ADAT2: variants seen among roughly 807,000 people sequenced by gnomAD.
ADAT2 encodes tRNA-specific adenosine-34 deaminase catalytic subunit ADAT2.
ADAT2 carries 26 observed loss-of-function variants against 25.9 expected under a neutral mutation model. The observed-to-expected ratio is 1.00, with a 90% CI of 0.74 to 1.39. ADAT2 has a LOEUF of 1.39. Ranked by LOEUF, ADAT2 falls within the 40% of genes most tolerant of loss-of-function variation. The probability of loss-of-function intolerance (pLI) is 0.00; values close to 1 mark genes in which losing one functional copy is unlikely to be tolerated. For missense variants in ADAT2, 220 were observed against 244.8 expected (o/e 0.90, Z 0.68); for synonymous variants, 76 against 86.8 (o/e 0.88, Z 0.69).
At position 143,449,480 on chromosome 6, in the gene ADAT2, T is replaced by A. The variant is rs377277036; in HGVS notation, c.96+1083A>T. Among the ~76,000 whole-genome samples the A allele has an allele frequency of 2.0e-5, 3 of 152,288 alleles. No individual in the cohort carries two copies. In the East Asian group the frequency reaches 5.8e-4, roughly 29 times the overall value. On this transcript the variant is annotated intron_variant, in intron 1 of 5. Transcript: ENST00000237283. Reference sequence around the variant, plus strand: ...GGATGTGATTCCATAGTTTACGTCCTCCTACACAGGATTAAGGAGGCAGCT... The same window carrying A: ...GGATGTGATTCCATAGTTTACGTCCACCTACACAGGATTAAGGAGGCAGCT...
At position 143,432,549 on chromosome 6, in the gene ADAT2, T is replaced by C. The variant is rs749103092; in HGVS notation, c.415A>G (p.Asn139Asp). ...ERFGGCGSVL[N>D]IASADLPNTG... is the part of the protein sequence containing the mutation. ...TTTGGTAGGTCAGCAGAGGCAATAT[T>C]TAGAACAGAGCCACAACCACCAAAT... The change falls in exon 4 of 6, where the codon AAT (asparagine) becomes GAT (aspartate). Residue 139 changes from asparagine to aspartate, a missense_variant. Transcript: ENST00000237283. This position sits in a 1 kb window ranked among gnomAD's most constrained non-coding sequence, Gnocchi z 4.4. The C allele has an allele frequency of 1.2e-6, 2 of 1,614,082 alleles. No individual in the cohort carries two copies. Among genetic ancestry groups the C allele is most frequent in the Non-Finnish European group, 1.7e-6 (2 of 1,180,048 alleles).
chr6:143,439,570 A>C (rs527803440), intron 1 of ADAT2, among the ~76,000 whole-genome samples: 1 of 152,312 alleles, frequency 6.6e-6, no homozygotes, highest in African/African-American at 2.4e-5. Context: ...TAAGTAAAGG[A>C]AGTCACACAC....
rs1034098830 is a variant in ADAT2 at position 143,440,364 on chromosome 6, A to C, written c.97-1670T>G. Among the ~76,000 whole-genome samples, 8 of 152,186 alleles carry C rather than the reference A, an allele frequency of 5.3e-5. No individual in the cohort carries two copies. Among genetic ancestry groups the C allele is most frequent in the Non-Finnish European group, 1.2e-4 (8 of 68,028 alleles). The stretch of plus-strand genomic sequence containing the variant: ...GTTCTACTTTATTTAACTAGTGACA[A>C]CTTCCTATTATAAGGCATACAGGAT... On this transcript the variant is annotated intron_variant, in intron 1 of 5. Coordinates refer to ENST00000237283, the MANE Select transcript of ADAT2 (RefSeq NM_182503.3). This position sits in a 1 kb window ranked among gnomAD's most constrained non-coding sequence, Gnocchi z 4.5.
rs72988621 is a variant in ADAT2, at chr6:143,436,741, T to C, written c.201+1849A>G. The C allele has an allele frequency of 0.28, 47,577 of 168,980 alleles. 7,028 individuals carry two copies. Among genetic ancestry groups the C allele is most frequent in the Admixed American group, 0.32 (5,169 of 16,182 alleles). 10.5% of individuals were successfully genotyped at this position (168,980 alleles called of 1,614,324 possible). A position where few individuals can be genotyped will look rare whatever the true frequency, so the allele number is the denominator to read the frequency against. ...TCTGTTACTGGGTTAAGGGCGGGGG[T>C]GGTATGAATTCTTCATTTGCCCACA... On this transcript the variant is annotated intron_variant, in intron 2 of 5. Transcript: ENST00000237283. This position sits in a 1 kb window ranked among gnomAD's most constrained non-coding sequence, Gnocchi z 4.1.
At chr6:143,439,150 A>C (rs1779381985) in intron 1 of ADAT2, among the ~76,000 whole-genome samples, 1 of 152,180 alleles carries the variant, frequency 6.6e-6, no homozygotes, top group Non-Finnish European at 1.5e-5. Flanking sequence ...CCAATAGCTA[A>C]AGGTAACCAG....
rs376018572 is a variant in ADAT2, at chr6:143,433,815, T to C, written c.352+16A>G. The C allele has an allele frequency of 5.6e-6, 9 of 1,612,186 alleles. No homozygotes were observed. The highest frequency in any genetic ancestry group is 5.9e-6 in the Non-Finnish European group (7 of 1,178,730). On this transcript the variant is annotated intron_variant, in intron 3 of 5. Transcript: ENST00000237283. ...ACGAATGGTACGATACATTAACTCATGAAGTCAAAGGATACTCATCAGGCG... is the reference window on the plus strand; with the variant it reads ...ACGAATGGTACGATACATTAACTCACGAAGTCAAAGGATACTCATCAGGCG...
In ADAT2 at chr6:143,438,782, C is replaced by T. The variant is rs1779370024; in HGVS notation, c.97-88G>A. On this transcript the variant is annotated intron_variant, in intron 1 of 5. Coordinates refer to ENST00000237283, the MANE Select transcript of ADAT2 (RefSeq NM_182503.3). ...AAAGAGATGCAGCATGAACAAGATA[C>T]ACATGTACAAAGACTGAAACAAAGA... 4 of 1,081,736 alleles carry T rather than the reference C, an allele frequency of 3.7e-6. No homozygotes were observed. In the East Asian group the frequency reaches 7.2e-5, roughly 20 times the overall value. The allele number at this position is 1,081,736 out of a possible 1,614,324, so 67.0% of individuals were successfully genotyped here.
At chr6:143,433,435 A>C (rs1464120200) in intron 3 of ADAT2, among the ~76,000 whole-genome samples, 3 of 152,186 alleles carry the variant, frequency 2.0e-5, no homozygotes, top group Admixed American at 6.5e-5. Flanking sequence ...AAACAAACCA[A>C]CCAGATAAAC....
chr6:143,434,179 A>T lies in ADAT2; in HGVS notation c.202-198T>A, dbSNP rs1298179637. Among the ~76,000 whole-genome samples the T allele has an allele frequency of 6.6e-6, 1 of 152,202 alleles. No homozygotes were observed. Among genetic ancestry groups the T allele is most frequent in the Non-Finnish European group, 1.5e-5 (1 of 68,022 alleles). ...ATAACCTCACTTGCGAAAGATATCT[A>T]ATCAGAGATGCCACAGGAATCATGC... is the stretch of plus-strand genomic sequence containing the variant. On this transcript the variant is annotated intron_variant, in intron 2 of 5. Coordinates refer to ENST00000237283, the MANE Select transcript of ADAT2 (RefSeq NM_182503.3). The surrounding 1 kb of genome is among the most constrained non-coding windows in gnomAD (Gnocchi z 4.5).
In ADAT2 at chr6:143,436,327, G is replaced by C. The variant is rs1779278558; in HGVS notation, c.201+2263C>G. 4.1e-6 allele frequency: 1 copy of C among 243,002 alleles called. No homozygotes were observed. The highest frequency in any genetic ancestry group is 8.5e-6 in the Non-Finnish European group (1 of 118,080). 15.1% of individuals were successfully genotyped at this position (243,002 alleles called of 1,614,324 possible). A position where few individuals can be genotyped will look rare whatever the true frequency, so the allele number is the denominator to read the frequency against. Reference sequence around the variant, plus strand: ...TCTAACAGAGGCTGCCATTTTCAGGGGCTGGATGTCCATGAGGGAGGTAGA... The same window carrying C: ...TCTAACAGAGGCTGCCATTTTCAGGCGCTGGATGTCCATGAGGGAGGTAGA... On this transcript the variant is annotated intron_variant, in intron 2 of 5. Coordinates refer to ENST00000237283, the MANE Select transcript of ADAT2 (RefSeq NM_182503.3). The surrounding 1 kb of genome is among the most constrained non-coding windows in gnomAD (Gnocchi z 4.1).
rs755252951 is a variant in ADAT2 at position 143,438,587 on chromosome 6, T to C, written c.201+3A>G. On this transcript the variant is annotated splice_donor_region_variant and intron_variant, in intron 2 of 5. Transcript: ENST00000237283. ...TTGCAATTATACTGCTCAACTCACA[T>C]ACATTTTTGGTTTGGTTAACTTCAT... is the stretch of plus-strand genomic sequence containing the variant. 6 of 1,606,226 alleles carry C rather than the reference T, an allele frequency of 3.7e-6. No individual in the cohort carries two copies. The highest frequency in any genetic ancestry group is 3.3e-5 in the Admixed American group (2 of 59,958).
Position 143,432,688 on chromosome 6 carries a change from C to G in ADAT2, c.353-77G>C. On this transcript the variant is annotated intron_variant, in intron 3 of 5. Coordinates refer to ENST00000237283, the MANE Select transcript of ADAT2 (RefSeq NM_182503.3). This position sits in a 1 kb window ranked among gnomAD's most constrained non-coding sequence, Gnocchi z 4.4. ...TGACAAAATCAGAGTAGGTTTATAC[C>G]AGCCATCCTGGAGAGGAACGCTCAT... 1 of 1,397,320 alleles carries G rather than the reference C, an allele frequency of 7.2e-7. No homozygotes were observed. Among genetic ancestry groups the G allele is most frequent in the Non-Finnish European group, 1.0e-6 (1 of 987,832 alleles). 86.6% of individuals were successfully genotyped at this position (1,397,320 alleles called of 1,614,324 possible). A position where few individuals can be genotyped will look rare whatever the true frequency, so the allele number is the denominator to read the frequency against.
Position 143,425,513 on chromosome 6 carries a change from A to AG in ADAT2, c.*2949_*2950insC, listed in dbSNP as rs1256852380. 1 of 151,936 alleles carries AG rather than the reference A, an allele frequency of 6.6e-6. No individual in the cohort carries two copies. The highest frequency in any genetic ancestry group is 2.4e-5 in the African/African-American group (1 of 41,296). 9.4% of individuals were successfully genotyped at this position (151,936 alleles called of 1,614,324 possible). A position where few individuals can be genotyped will look rare whatever the true frequency, so the allele number is the denominator to read the frequency against. On this transcript the variant is annotated 3_prime_UTR_variant, in exon 6 of 6. Coordinates refer to ENST00000237283, the MANE Select transcript of ADAT2 (RefSeq NM_182503.3). ...TGAGACCTATCTCAAAAAAAAAAAA[A>AG]AAAAAGAAAAAGCTGGATTCAAGAC...
Position 143,438,541 on chromosome 6 carries a change from C to T in ADAT2, c.201+49G>A, listed in dbSNP as rs574161568. ...CCAACTGTGGTAAATTCTCTCCAGTCCACCCATCACTACTGTATGTTTGCA... is the reference window on the plus strand; with the variant it reads ...CCAACTGTGGTAAATTCTCTCCAGTTCACCCATCACTACTGTATGTTTGCA... On this transcript the variant is annotated intron_variant, in intron 2 of 5. Coordinates refer to ENST00000237283, the MANE Select transcript of ADAT2 (RefSeq NM_182503.3). The T allele has an allele frequency of 2.7e-5, 39 of 1,432,468 alleles. No homozygotes were observed. In the East Asian group the frequency reaches 8.5e-4, roughly 31 times the overall value. 88.7% of individuals were successfully genotyped at this position (1,432,468 alleles called of 1,614,324 possible).
Position 143,432,393 on chromosome 6 carries a change from T to C in ADAT2, c.459+112A>G, listed in dbSNP as rs1043324772. On this transcript the variant is annotated intron_variant, in intron 4 of 5. Transcript: ENST00000237283. This position sits in a 1 kb window ranked among gnomAD's most constrained non-coding sequence, Gnocchi z 4.4. ...ACCAGAGGCCCTGAGATCAAAGATG[T>C]CTGATTCTATCATCGTTTCTTCGTA... 4 of 980,626 alleles carry C rather than the reference T, an allele frequency of 4.1e-6. No homozygotes were observed. The highest frequency in any genetic ancestry group is 4.2e-5 in the Admixed American group (2 of 47,924). 60.7% of individuals were successfully genotyped at this position (980,626 alleles called of 1,614,324 possible). A position where few individuals can be genotyped will look rare whatever the true frequency, so the allele number is the denominator to read the frequency against.
chr6:143,440,876 A>G lies in ADAT2; in HGVS notation c.97-2182T>C, dbSNP rs934421380. On this transcript the variant is annotated intron_variant, in intron 1 of 5. Transcript: ENST00000237283. The surrounding 1 kb of genome is among the most constrained non-coding windows in gnomAD (Gnocchi z 4.5). ...AGAGACAAATCATTTATTCATGCAAAAAATATTTGTTGAGGATCTTGAGAT... is the reference window on the plus strand; with the variant it reads ...AGAGACAAATCATTTATTCATGCAAGAAATATTTGTTGAGGATCTTGAGAT... Among the ~76,000 whole-genome samples the G allele has an allele frequency of 2.0e-5, 3 of 152,178 alleles. No individual in the cohort carries two copies. The highest frequency in any genetic ancestry group is 7.2e-5 in the African/African-American group (3 of 41,448).
In ADAT2 at chr6:143,426,133, T is replaced by A. The variant is rs1061220; in HGVS notation, c.*2330A>T. On this transcript the variant is annotated 3_prime_UTR_variant, in exon 6 of 6. Transcript: ENST00000237283. The surrounding 1 kb of genome is among the most constrained non-coding windows in gnomAD (Gnocchi z 4.1). ...TATCTCACCACTTTCAGAACTATTTTGTACACAAAACAAGTCTTTCAGCTG... is the reference window on the plus strand; with the variant it reads ...TATCTCACCACTTTCAGAACTATTTAGTACACAAAACAAGTCTTTCAGCTG... 2.6e-5 allele frequency: 4 copies of A among 152,090 alleles called. No homozygotes were observed. Among genetic ancestry groups the A allele is most frequent in the African/African-American group, 9.6e-5 (4 of 41,460 alleles). The allele number at this position is 152,090 out of a possible 1,614,324, so 9.4% of individuals were successfully genotyped here. A position where few individuals can be genotyped will look rare whatever the true frequency, so the allele number is the denominator to read the frequency against.
chr6:143,438,960 G>T (rs1176183130), intron 1 of ADAT2, among the ~76,000 whole-genome samples: 1 of 152,144 alleles, frequency 6.6e-6, no homozygotes, highest in African/African-American at 2.4e-5. Flanking sequence ...CGTGATCAAA[G>T]GAGACTGTGA....
chr6:143,438,946 T>C (rs938663014), intron 1 of ADAT2, among the ~76,000 whole-genome samples: 9 of 152,116 alleles, frequency 5.9e-5, no homozygotes, highest in Admixed American at 1.3e-4. Context: ...TCATTGGAAA[T>C]AGACGTGATC....
Sources: gnomAD v4.1 joint callset for allele counts (sites outside exome capture counted in the v4.1 genomes callset) on GRCh38, gnomAD v4.1.1 for gene constraint, Gnocchi (gnomAD v3.1) non-coding constraint, MANE v1.5 for transcripts, NCBI Gene and HGNC (gene_info 2026-07-23, HGNC 2026-07-21) for gene names.